Variants in YIPF1 observed in about 807,000 individuals in gnomAD.
The protein encoded by YIPF1 is protein YIPF1.
A neutral mutation model predicts 37.0 loss-of-function variants in YIPF1; 22 were observed. The ratio of observed to expected loss-of-function variants is 0.59; its 90% CI spans 0.42 to 0.85. The LOEUF is 0.85. YIPF1 is among the 40% of genes least tolerant of loss of function. YIPF1 has a pLI of 0.00. For missense variants in YIPF1, 355 were observed against 373.1 expected (o/e 0.95, Z 0.40); for synonymous variants, 128 against 131.9 (o/e 0.97, Z 0.21).
chr1:53,860,067 G>A lies in YIPF1; in HGVS notation c.918C>T (p.Ser306=). ...ATAGAATCTCTTACTTTCCTCATTA[G>A]CTGGACTTGGCTGCAGCAACTGTTT... The part of the protein sequence containing the change: ...PNQTVAAAKS[S] Residue 306 remains serine (S), a synonymous_variant, in exon 10 of 11, where the codon AGC becomes AGT. Transcript: ENST00000072644. 5 of 1,614,056 alleles carry A rather than the reference G, an allele frequency of 3.1e-6. No homozygotes were observed. Among genetic ancestry groups the A allele is most frequent in the Non-Finnish European group, 4.2e-6 (5 of 1,179,936 alleles).
At chr1:53,860,012 T>A in intron 10 of YIPF1, 44 bp downstream of exon 10, 2 of 1,591,674 alleles carry the variant, frequency 1.3e-6, no homozygotes. Flanking sequence ...CACCTGCCCA[T>A]GTTTTATGGC....
chr1:53,876,138 T>G (rs1650328777), intron 6 of YIPF1, among the ~76,000 whole-genome samples: 1 of 152,204 alleles, frequency 6.6e-6, no homozygotes, highest in African/African-American at 2.4e-5. Flanking sequence ...TACTTTTTAT[T>G]TCTCTGGTTG....
chr1:53,853,626 A>G (rs1166622812), intron 10 of YIPF1, among the ~76,000 whole-genome samples: 1 of 152,236 alleles, frequency 6.6e-6, no homozygotes, highest in African/African-American at 2.4e-5. Context: ...GTTTGATGAT[A>G]CCACGAAGGT....
intron 7 of YIPF1, among the ~76,000 whole-genome samples, chr1:53,870,160 C>CTCTTTTTTTTTTTTTTTTTTT (rs1557605849): frequency 1.1e-5 from 1 of 91,196 alleles, no homozygotes; most frequent in Admixed American, 1.3e-4. Flanking sequence ...CACCGGGTCT[C>CTCTTTTTTTTTTTTTTTTTTT]TTTTTTTTTT....
rs964228512 is a variant in YIPF1 at position 53,889,751 on chromosome 1, C to G, written c.-308G>C. 2 of 152,310 alleles carry G rather than the reference C, an allele frequency of 1.3e-5. No individual in the cohort carries two copies. Among genetic ancestry groups the G allele is most frequent in the African/African-American group, 4.8e-5 (2 of 41,474 alleles). 9.4% of individuals were successfully genotyped at this position (152,310 alleles called of 1,614,324 possible). A position where few individuals can be genotyped will look rare whatever the true frequency, so the allele number is the denominator to read the frequency against. ...GCGTCCCCCGGGTCCCGAGAAGGCT[C>G]GGGCCTCAGTTGCTCCGCGCCGGTT... On this transcript the variant is annotated 5_prime_UTR_variant, in exon 1 of 11. Transcript: ENST00000072644.
Position 53,888,992 on chromosome 1 carries a change from A to T in YIPF1, c.-49-6T>A. On this transcript the variant is annotated splice_polypyrimidine_tract_variant and splice_region_variant and intron_variant, in intron 2 of 10. Coordinates refer to ENST00000072644, the MANE Select transcript of YIPF1 (RefSeq NM_018982.5). Reference sequence around the variant, plus strand: ...GGAAGAAAATTTGCAGGGTTCTAAAAGAAAAAAATAGGTAAACATAATAGG... The same window carrying T: ...GGAAGAAAATTTGCAGGGTTCTAAATGAAAAAAATAGGTAAACATAATAGG... 1.3e-6 allele frequency: 2 copies of T among 1,481,614 alleles called. No homozygotes were observed. Among genetic ancestry groups the T allele is most frequent in the Non-Finnish European group, 1.9e-6 (2 of 1,062,732 alleles). The allele number at this position is 1,481,614 out of a possible 1,614,324, so 91.8% of individuals were successfully genotyped here. A position where few individuals can be genotyped will look rare whatever the true frequency, so the allele number is the denominator to read the frequency against.
intron 6 of YIPF1, among the ~76,000 whole-genome samples, chr1:53,877,525 G>A (rs1454670288): frequency 2.0e-5 from 3 of 152,126 alleles, no homozygotes; most frequent in Admixed American, 6.5e-5. Flanking sequence ...GGCCACTGTT[G>A]GGGCCTTTTC....
At chr1:53,886,826 G>T (rs1650666684) in intron 3 of YIPF1, 1 of 151,974 alleles carries the variant, frequency 6.6e-6, no homozygotes, top group South Asian at 2.1e-4. Flanking sequence ...GCTGAGGAGG[G>T]TCTCTCTAAT....
intron 9 of YIPF1, among the ~76,000 whole-genome samples, chr1:53,863,036 T>C (rs1649923703): frequency 6.6e-6 from 1 of 152,170 alleles, no homozygotes; most frequent in Non-Finnish European, 1.5e-5. Context: ...GCTAGACACC[T>C]GACCACGGGA....
At chr1:53,867,875 G>A (rs1650074537) in intron 7 of YIPF1, among the ~76,000 whole-genome samples, 1 of 152,170 alleles carries the variant, frequency 6.6e-6, no homozygotes, top group African/African-American at 2.4e-5. Flanking sequence ...GAACAGCAAC[G>A]TTCAGCATAT....
chr1:53,873,073 A>T (rs918918616), intron 6 of YIPF1, among the ~76,000 whole-genome samples: 2 of 152,252 alleles, frequency 1.3e-5, no homozygotes, highest in African/African-American at 4.8e-5. Context: ...ACAATACCCA[A>T]ATAACTAGAA....
Position 53,883,234 on chromosome 1 carries a change from G to C in YIPF1, c.74C>G (p.Ala25Gly). 2 of 1,590,346 alleles carry C rather than the reference G, an allele frequency of 1.3e-6. No homozygotes were observed. The highest frequency in any genetic ancestry group is 1.7e-6 in the Non-Finnish European group (2 of 1,170,706). Residue 25 changes from alanine to glycine, a missense_variant, in exon 4 of 11, where the codon GCC becomes GGC. Physicochemically the swap from Ala to Gly is moderately conservative, Grantham distance 60. Coordinates refer to ENST00000072644, the MANE Select transcript of YIPF1 (RefSeq NM_018982.5). Reference sequence around the variant, plus strand: ...AGGATCCTCAATGTTTACTGTGGTGGCATCTGGGTTTGCTGTCAGAGAAGT... The same window carrying C: ...AGGATCCTCAATGTTTACTGTGGTGCCATCTGGGTTTGCTGTCAGAGAAGT... ...AATSLTANPD[A>G]TTVNIEDPGE...
At chr1:53,868,793 A>G (rs1650098252) in intron 7 of YIPF1, among the ~76,000 whole-genome samples, 1 of 152,206 alleles carries the variant, frequency 6.6e-6, no homozygotes, top group Non-Finnish European at 1.5e-5. Flanking sequence ...TGGGATGCCC[A>G]GCCAAAGAGG....
chr1:53,875,409 T>C (rs557748890), intron 6 of YIPF1, among the ~76,000 whole-genome samples: 2 of 152,038 alleles, frequency 1.3e-5, no homozygotes, highest in Non-Finnish European at 2.9e-5. Flanking sequence ...CAGATACTCA[T>C]GAAGATGAGG....
intron 4 of YIPF1, among the ~76,000 whole-genome samples, chr1:53,879,360 C>T (rs998329668): frequency 6.6e-6 from 1 of 152,064 alleles, no homozygotes; most frequent in Admixed American, 6.6e-5. Context: ...TCCCAAAGCA[C>T]GGGGATTACA....
chr1:53,881,244 C>CAAAAAAAAA, intron 4 of YIPF1, among the ~76,000 whole-genome samples: 1 of 96,276 alleles, frequency 1.0e-5, no homozygotes, highest in African/African-American at 4.0e-5. Context: ...GACTCCATCT[C>CAAAAAAAAA]AAAAAAAAAA....
chr1:53,883,377 T>G, intron 3 of YIPF1, 101 bp from the exon 4 acceptor site: 1 of 1,311,568 alleles, frequency 7.6e-7, no homozygotes, highest in Middle Eastern at 1.9e-4. Context: ...AGCTTTGCTA[T>G]AGACCCTACC....
intron 9 of YIPF1, among the ~76,000 whole-genome samples, chr1:53,861,749 C>T (rs1377756703): frequency 2.0e-5 from 3 of 151,910 alleles, no homozygotes; most frequent in South Asian, 4.1e-4. Context: ...TGTGGTGGCT[C>T]ACACCTGTAA....
At chr1:53,861,965 G>C (rs1317835837) in intron 9 of YIPF1, among the ~76,000 whole-genome samples, 1 of 152,218 alleles carries the variant, frequency 6.6e-6, no homozygotes, top group Non-Finnish European at 1.5e-5. Flanking sequence ...AGTGAGCCTA[G>C]ATCACACTGC....
Sources: gnomAD v4.1 joint callset for allele counts (sites outside exome capture counted in the v4.1 genomes callset) on GRCh38, gnomAD v4.1.1 for gene constraint, MANE v1.5 for transcripts, NCBI Gene and HGNC (gene_info 2026-07-23, HGNC 2026-07-21) for gene names.